Variants in FHIT observed in about 807,000 individuals in gnomAD.
The protein encoded by FHIT is bis(5'-adenosyl)-triphosphatase.
A neutral mutation model predicts 17.9 loss-of-function variants in FHIT; 19 were observed. The ratio of observed to expected loss-of-function variants is 1.06; its 90% CI spans 0.74 to 1.56. The LOEUF (loss-of-function observed/expected upper bound fraction) is 1.56, where lower values mean the gene tolerates loss of function less well. Among genes scored for constraint, FHIT ranks in the 40% most tolerant of loss-of-function variants. The probability of loss-of-function intolerance (pLI) is 0.00; values close to 1 mark genes in which losing one functional copy is unlikely to be tolerated. For missense variants in FHIT, 248 were observed against 189.2 expected (o/e 1.31, Z -1.82); for synonymous variants, 81 against 69.7 (o/e 1.16, Z -0.81).
intron 7 of FHIT, among the ~76,000 whole-genome samples, chr3:59,968,280 G>C (rs924247735): frequency 6.6e-6 from 1 of 152,006 alleles, no homozygotes; most frequent in African/African-American, 2.4e-5. Context: ...ATACAGTTTC[G>C]ATATGATTTC....
intron 8 of FHIT, among the ~76,000 whole-genome samples, chr3:59,757,698 G>T (rs148658084): frequency 6.6e-6 from 1 of 152,210 alleles, no homozygotes; most frequent in African/African-American, 2.4e-5. Context: ...TATAAACTTG[G>T]ATGTTTTTAT....
intron 4 of FHIT, among the ~76,000 whole-genome samples, chr3:60,791,563 A>G (rs1700776926): frequency 1.3e-5 from 2 of 152,232 alleles, no homozygotes; most frequent in Admixed American, 6.5e-5. Context: ...TGCTTTGGAA[A>G]GACAGGTGAA....
chr3:59,948,806 C>A (rs920125847), intron 7 of FHIT, among the ~76,000 whole-genome samples: 5 of 152,036 alleles, frequency 3.3e-5, no homozygotes, highest in African/African-American at 1.2e-4. Context: ...GTCCACTCTA[C>A]TTGTATTGTT....
intron 4 of FHIT, among the ~76,000 whole-genome samples, chr3:60,725,542 C>T (rs782020100): frequency 3.9e-5 from 6 of 152,074 alleles, no homozygotes; most frequent in Non-Finnish European, 5.9e-5. Flanking sequence ...TGCATCACTC[C>T]AAGACATAGT....
At chr3:60,260,333 C>T (rs773440144) in intron 5 of FHIT, among the ~76,000 whole-genome samples, 3 of 148,326 alleles carry the variant, frequency 2.0e-5, no homozygotes, top group Non-Finnish European at 4.5e-5. Flanking sequence ...CTGCAGGAAA[C>T]TTCTGTCTTG....
At chr3:60,875,373 A>C (rs943663789) in intron 3 of FHIT, among the ~76,000 whole-genome samples, 14 of 152,140 alleles carry the variant, frequency 9.2e-5, no homozygotes, top group African/African-American at 3.4e-4. Flanking sequence ...TAACCACTTA[A>C]TTGAATGGCT....
intron 4 of FHIT, among the ~76,000 whole-genome samples, chr3:60,683,451 G>C (rs565937837): frequency 6.6e-6 from 1 of 152,086 alleles, no homozygotes; most frequent in Admixed American, 6.5e-5. Context: ...CCCTCCACCA[G>C]CAGAAAGATT....
At chr3:61,108,836 A>G (rs1213692388) in intron 2 of FHIT, among the ~76,000 whole-genome samples, 1 of 152,226 alleles carries the variant, frequency 6.6e-6, no homozygotes, top group South Asian at 2.1e-4. Context: ...TGCCACTCTC[A>G]GTCCCTATAA....
intron 3 of FHIT, among the ~76,000 whole-genome samples, chr3:60,957,586 T>C (rs1010706025): frequency 6.6e-5 from 10 of 152,210 alleles, no homozygotes; most frequent in African/African-American, 2.4e-4. Flanking sequence ...AAAGGACCAT[T>C]TGTTACAAAA....
At chr3:59,880,314 C>G (rs1410482621) in intron 8 of FHIT, among the ~76,000 whole-genome samples, 1 of 152,164 alleles carries the variant, frequency 6.6e-6, no homozygotes, top group Non-Finnish European at 1.5e-5. Context: ...GGCTCCTTCC[C>G]TTCATCCAGC....
chr3:60,929,656 G>A (rs1443948034), intron 3 of FHIT, among the ~76,000 whole-genome samples: 6 of 152,070 alleles, frequency 3.9e-5, no homozygotes, highest in Admixed American at 2.0e-4. Context: ...AACTTACAAG[G>A]GATGTGAAGG....
intron 8 of FHIT, among the ~76,000 whole-genome samples, chr3:59,790,857 C>CT (rs768235350): frequency 1.3e-5 from 2 of 151,962 alleles, no homozygotes; most frequent in East Asian, 1.9e-4. Context: ...GCTAAGTAAA[C>CT]TTTTTTTTAA....
intron 8 of FHIT, among the ~76,000 whole-genome samples, chr3:59,907,855 C>T (rs779801517): frequency 2.0e-5 from 3 of 152,180 alleles, no homozygotes; most frequent in African/African-American, 4.8e-5. Flanking sequence ...AGGCTCTTTG[C>T]CTTTTCCAGC....
intron 2 of FHIT, among the ~76,000 whole-genome samples, chr3:61,182,470 T>A (rs1272512895): frequency 6.6e-6 from 1 of 152,210 alleles, no homozygotes. Context: ...CCAATGTCAC[T>A]GGTATACATA....
intron 7 of FHIT, among the ~76,000 whole-genome samples, chr3:59,940,550 G>A (rs747175967): frequency 1.3e-4 from 20 of 152,278 alleles, no homozygotes; most frequent in Admixed American, 3.9e-4. Flanking sequence ...ATGGAAGGCA[G>A]AGAACGAGGG....
intron 3 of FHIT, among the ~76,000 whole-genome samples, chr3:60,885,644 C>G (rs781894550): frequency 6.6e-6 from 1 of 152,188 alleles, no homozygotes; most frequent in South Asian, 2.1e-4. Context: ...TACCTCCTCA[C>G]CAATTATCAA....
chr3:60,530,320 T>G (rs1336070891), intron 5 of FHIT, among the ~76,000 whole-genome samples: 2 of 152,172 alleles, frequency 1.3e-5, no homozygotes, highest in Admixed American at 1.3e-4. Flanking sequence ...TGTACATGCC[T>G]CAGGAACAGT....
At chr3:60,513,796 T>A (rs1032019205) in intron 5 of FHIT, among the ~76,000 whole-genome samples, 2 of 152,188 alleles carry the variant, frequency 1.3e-5, no homozygotes, top group African/African-American at 4.8e-5. Flanking sequence ...TGCTTGTTTT[T>A]GTGCCCAGAT....
At position 60,754,418 on chromosome 3, in the gene FHIT, G is replaced by C. The variant is rs11920919; in HGVS notation, c.-18+67501C>G. On this transcript the variant is annotated intron_variant, in intron 4 of 9. Coordinates refer to ENST00000492590, the MANE Select transcript of FHIT (RefSeq NM_002012.4). ...ATCCTGCAGGATATGGAGTGTCTTT[G>C]GTGACAGAAGTCATACTCTTAAAGG... 1.7e-3 allele frequency among the ~76,000 whole-genome samples: 265 copies of C among 152,268 alleles called. 1 individual carries two copies. The highest frequency in any genetic ancestry group is 6.0e-3 in the African/African-American group (250 of 41,544).
Sources: allele counts gnomAD v4.1 joint callset (sites outside exome capture counted in the v4.1 genomes callset), GRCh38; gene constraint gnomAD v4.1.1; transcripts MANE v1.5; gene names NCBI Gene and HGNC (gene_info 2026-07-23, HGNC 2026-07-21).